Variants in ZDHHC15 observed in about 807,000 individuals in gnomAD.
The protein encoded by ZDHHC15 is zDHHC palmitoyltransferase 15.
Under a neutral mutation model 31.7 loss-of-function variants are expected in ZDHHC15, and 19 were observed. The observed-to-expected ratio is 0.60, with a 90% CI of 0.42 to 0.88. The LOEUF is 0.88. Among genes scored for constraint, ZDHHC15 ranks in the 40% least tolerant of loss-of-function variants. ZDHHC15 has a pLI of 0.00. For synonymous variants in ZDHHC15, 103 were observed against 90.0 expected (o/e 1.14, Z -0.82); for missense variants, 209 against 251.2 (o/e 0.83, Z 1.14).
intron 3 of ZDHHC15, among the ~76,000 whole-genome samples, chrX:75,474,516 A>ATG (rs200654835): frequency 0.018 from 1,830 of 102,923 alleles, 49 homozygotes; most frequent in African/African-American, 0.064. Flanking sequence ...ATACTCCCAT[A>ATG]TGTGTGTATA....
Position 75,468,363 on chromosome X carries a change from G to T in ZDHHC15, c.258+10528C>A, listed in dbSNP as rs1004314585. 2.7e-5 allele frequency among the ~76,000 whole-genome samples: 3 copies of T among 111,596 alleles called. No individual in the cohort carries two copies. In the Admixed American group the frequency reaches 2.9e-4, roughly 11 times the overall value. On this transcript the variant is annotated intron_variant, in intron 3 of 11. Coordinates refer to ENST00000373367, the MANE Select transcript of ZDHHC15 (RefSeq NM_144969.3). The stretch of plus-strand genomic sequence containing the variant: ...CCAGCCCTGGCATAATGTTTTCAAG[G>T]TTCATCCGTGTTGTACCATGTATCA...
At chrX:75,492,863 T>C (rs12156889) in intron 2 of ZDHHC15, among the ~76,000 whole-genome samples, 6,389 of 110,661 alleles carry the variant, frequency 0.058, 235 homozygotes, top group South Asian at 0.13. Context: ...AACATCACAA[T>C]TAAAAGAACT....
intron 9 of ZDHHC15, among the ~76,000 whole-genome samples, chrX:75,417,658 G>T (rs1388788296): frequency 8.9e-6 from 1 of 111,858 alleles, no homozygotes; most frequent in Admixed American, 9.6e-5. Flanking sequence ...TGGCAGAAAG[G>T]TTATTAGGAA....
intron 10 of ZDHHC15, among the ~76,000 whole-genome samples, chrX:75,379,599 A>G (rs775826595): frequency 1.8e-5 from 2 of 111,858 alleles, no homozygotes; most frequent in Non-Finnish European, 3.8e-5. Flanking sequence ...TGTGTTTCTA[A>G]AAAAGGAATG....
At chrX:75,466,952 A>G (rs991594265) in intron 3 of ZDHHC15, among the ~76,000 whole-genome samples, 12 of 111,384 alleles carry the variant, frequency 1.1e-4, no homozygotes, top group Non-Finnish European at 2.3e-4. Flanking sequence ...ATTCACACCT[A>G]GGTGATGGGA....
At chrX:75,451,053 T>C (rs936993545) in intron 3 of ZDHHC15, 131 bp from the exon 4 acceptor site, 18 of 759,784 alleles carry the variant, frequency 2.4e-5, no homozygotes, top group Admixed American at 4.1e-5. Flanking sequence ...CTTAGTCTTA[T>C]AATGTTCTCT....
chrX:75,419,842 C>T, intron 9 of ZDHHC15, among the ~76,000 whole-genome samples: 1 of 105,142 alleles, frequency 9.5e-6, no homozygotes, highest in South Asian at 4.5e-4. Context: ...GGCAAACTAT[C>T]ACAAGGACAA....
chrX:75,492,369 C>T (rs2084912660), intron 2 of ZDHHC15, among the ~76,000 whole-genome samples: 1 of 110,736 alleles, frequency 9.0e-6, no homozygotes, highest in Non-Finnish European at 1.9e-5. Flanking sequence ...TTAGACAGAT[C>T]AACGAGACAG....
chrX:75,424,555 C>T, intron 8 of ZDHHC15, 97 bp downstream of exon 8: 4 of 941,205 alleles, frequency 4.2e-6, no homozygotes, highest in Non-Finnish European at 5.6e-6. Context: ...GTCACTGCAG[C>T]TAAAATGCTT....
intron 2 of ZDHHC15, among the ~76,000 whole-genome samples, chrX:75,487,881 A>G (rs926034607): frequency 2.7e-5 from 3 of 112,373 alleles, no homozygotes; most frequent in Non-Finnish European, 3.8e-5. Context: ...ATTGCAAAAT[A>G]CACTGGAAAG....
intron 4 of ZDHHC15, among the ~76,000 whole-genome samples, chrX:75,449,898 GT>G (rs2084091819): frequency 8.9e-6 from 1 of 111,923 alleles, no homozygotes; most frequent in Non-Finnish European, 1.9e-5. Context: ...AGCAAGTACT[GT>G]TTTAGTCATG....
intron 4 of ZDHHC15, among the ~76,000 whole-genome samples, chrX:75,438,968 G>T (rs1006762444): frequency 9.0e-6 from 1 of 111,465 alleles, no homozygotes; most frequent in Non-Finnish European, 1.9e-5. Flanking sequence ...TCTTAAAGAG[G>T]CAAAATATAG....
intron 2 of ZDHHC15, among the ~76,000 whole-genome samples, chrX:75,500,987 CG>C (rs1444632201): frequency 9.1e-6 from 1 of 110,410 alleles, no homozygotes; most frequent in African/African-American, 3.3e-5. Context: ...ATTTTCGGTT[CG>C]GGGGCACATG....
At chrX:75,416,930 C>A (rs1297888750) in intron 10 of ZDHHC15, among the ~76,000 whole-genome samples, 157 bp downstream of exon 10, 2 of 111,778 alleles carry the variant, frequency 1.8e-5, no homozygotes, top group Non-Finnish European at 3.8e-5. Flanking sequence ...ATCTAAACTA[C>A]CCATGGTTAC....
At position 75,442,046 on chromosome X, in the gene ZDHHC15, T is replaced by A. The variant is rs567139875; in HGVS notation, c.379+8756A>T. On this transcript the variant is annotated intron_variant, in intron 4 of 11. Transcript: ENST00000373367. ...ATGCCGTATTTTTGTCTGGTTTTAA[T>A]TCTGATGGTTAATTTTATGTGTGAA... Among the ~76,000 whole-genome samples, 47 of 112,442 alleles carry A rather than the reference T, an allele frequency of 4.2e-4. No homozygotes were observed. The South Asian group carries it at 0.017, about 41-fold the overall frequency.
At chrX:75,415,592 A>G (rs1397849267) in intron 10 of ZDHHC15, among the ~76,000 whole-genome samples, 1 of 112,337 alleles carries the variant, frequency 8.9e-6, no homozygotes, top group South Asian at 3.7e-4. Context: ...ATACCTTGAC[A>G]TGTGAGATTA....
chrX:75,465,647 C>A (rs1023755203), intron 3 of ZDHHC15, among the ~76,000 whole-genome samples: 1 of 111,213 alleles, frequency 9.0e-6, no homozygotes, highest in Non-Finnish European at 1.9e-5. Flanking sequence ...TAAGACCACA[C>A]GCCAAAAACA....
intron 10 of ZDHHC15, among the ~76,000 whole-genome samples, chrX:75,385,381 G>A (rs1368257947): frequency 1.8e-5 from 2 of 111,071 alleles, no homozygotes; most frequent in African/African-American, 6.6e-5. Flanking sequence ...TCATCTTCCT[G>A]AAACATTTCC....
intron 1 of ZDHHC15, among the ~76,000 whole-genome samples, chrX:75,509,756 C>A (rs2085231627): frequency 8.9e-6 from 1 of 112,338 alleles, no homozygotes; most frequent in Admixed American, 9.4e-5. Flanking sequence ...ATGTGTAAAG[C>A]ACTTGGGTGC....
Sources: gnomAD v4.1 joint callset for allele counts (sites outside exome capture counted in the v4.1 genomes callset) on GRCh38, gnomAD v4.1.1 for gene constraint, MANE v1.5 for transcripts, NCBI Gene and HGNC (gene_info 2026-07-23, HGNC 2026-07-21) for gene names.